Variants in CCDC92 observed in about 807,000 individuals in gnomAD.
CCDC92 encodes the protein coiled-coil domain containing 92.
In CCDC92, 12 loss-of-function variants were observed where a neutral mutation model predicts 24.9. That is an observed-to-expected ratio of 0.48 (90% CI 0.31 to 0.78). The LOEUF (loss-of-function observed/expected upper bound fraction) is 0.78. Among genes scored for constraint, CCDC92 ranks in the 30% least tolerant of loss-of-function variants. The probability of loss-of-function intolerance (pLI) is 0.05; values close to 1 mark genes in which losing one functional copy is unlikely to be tolerated. For synonymous variants in CCDC92, 193 were observed against 196.3 expected, an observed-to-expected ratio of 0.98 and a Z score of 0.14; for missense variants, 399 against 439.4, an observed-to-expected ratio of 0.91 and a Z score of 0.82.
intron 1 of CCDC92, among the ~76,000 whole-genome samples, chr12:123,951,894 G>A (rs376061084): frequency 3.9e-5 from 6 of 152,292 alleles, no homozygotes; most frequent in Admixed American, 2.0e-4. Context: ...AACATTGAGG[G>A]TAGAAGAAAT....
rs1955508259 is a variant in CCDC92, at chr12:123,936,771, C to T, written c.*287G>A. 5.4e-6 allele frequency: 3 copies of T among 551,580 alleles called. No homozygotes were observed. The highest frequency in any genetic ancestry group is 6.2e-5 in the East Asian group (2 of 32,146). 34.2% of individuals were successfully genotyped at this position (551,580 alleles called of 1,614,324 possible). ...TCGTGAACATCAGTAGTGACGCAGCCGTGGCCTGGGCTTTGCCTGCAGCGC... is the reference window on the plus strand; with the variant it reads ...TCGTGAACATCAGTAGTGACGCAGCTGTGGCCTGGGCTTTGCCTGCAGCGC... On this transcript the variant is annotated 3_prime_UTR_variant, in exon 5 of 5. Coordinates refer to ENST00000238156, the MANE Select transcript of CCDC92 (RefSeq NM_025140.3).
At chr12:123,958,614 G>A (rs185374052) in intron 1 of CCDC92, among the ~76,000 whole-genome samples, 7 of 152,326 alleles carry the variant, frequency 4.6e-5, no homozygotes, top group Middle Eastern at 3.4e-3. Context: ...ATTCTGGAAC[G>A]TTTGGCCCAA....
Position 123,937,644 on chromosome 12 carries a change from T to C in CCDC92, c.410A>G (p.Lys137Arg), listed in dbSNP as rs1453659695. Reference protein sequence around the residue: ...EKKYLEELKAKSHKLTLLSSE... With the variant: ...EKKYLEELKARSHKLTLLSSE... Reference sequence around the variant, plus strand: ...AGACAGCAGGGTCAGCTTGTGACTCTTGGCCTTCAGCTCCTCCAGGTACTT... The same window carrying C: ...AGACAGCAGGGTCAGCTTGTGACTCCTGGCCTTCAGCTCCTCCAGGTACTT... Residue 137 changes from lysine to arginine, a missense_variant, in exon 5 of 5, where the codon AAG (lysine) becomes AGG (arginine). Lys to Arg is a conservative substitution (Grantham distance 26, BLOSUM62 2). Transcript: ENST00000238156. The surrounding 1 kb of genome is among the most constrained non-coding windows in gnomAD (Gnocchi z 8.4). 4.3e-6 allele frequency: 7 copies of C among 1,613,988 alleles called. No homozygotes were observed. The East Asian group carries it at 1.6e-4, about 36-fold the overall frequency.
chr12:123,967,527 G>C (rs1956422156), intron 1 of CCDC92, among the ~76,000 whole-genome samples: 2 of 152,160 alleles, frequency 1.3e-5, no homozygotes, highest in Non-Finnish European at 2.9e-5. Context: ...CGAAGAGAAA[G>C]GAGTTACAAA....
intron 1 of CCDC92, among the ~76,000 whole-genome samples, chr12:123,950,614 C>T (rs1175806501): frequency 1.3e-5 from 2 of 151,974 alleles, no homozygotes; most frequent in Non-Finnish European, 2.9e-5. Flanking sequence ...AGCAGGTGCT[C>T]GGTCCCAGGG....
chr12:123,950,547 G>A (rs1955999690), intron 1 of CCDC92, among the ~76,000 whole-genome samples: 1 of 152,166 alleles, frequency 6.6e-6, no homozygotes, highest in African/African-American at 2.4e-5. Context: ...ACTAGCTTAG[G>A]AAGAAAGCAC....
intron 3 of CCDC92, among the ~76,000 whole-genome samples, 191 bp from the exon 4 acceptor site, chr12:123,942,976 A>AC (rs1955733734): frequency 6.6e-6 from 1 of 152,184 alleles, no homozygotes; most frequent in Non-Finnish European, 1.5e-5. Context: ...CTGGGGTCAG[A>AC]GGGCACCCTC....
chr12:123,939,326 G>A (rs969761258), intron 4 of CCDC92, among the ~76,000 whole-genome samples: 114 of 152,276 alleles, frequency 7.5e-4, no homozygotes, highest in Middle Eastern at 6.8e-3. Flanking sequence ...ATGTCCCGCC[G>A]CCAGACTCTG....
chr12:123,946,977 G>A (rs967893138), intron 1 of CCDC92, among the ~76,000 whole-genome samples: 6 of 152,162 alleles, frequency 3.9e-5, no homozygotes, highest in Non-Finnish European at 7.4e-5. Context: ...GGCTGCGTGC[G>A]GCGGCGCTTG....
In CCDC92 at chr12:123,936,842, C is replaced by T. The variant is rs749090695; in HGVS notation, c.*216G>A. ...GATCAGAAGCAAGCGATTCGGCACA[C>T]AGGCGTTTGGCCACAGCAATTAGGA... is the stretch of plus-strand genomic sequence containing the variant. On this transcript the variant is annotated 3_prime_UTR_variant, in exon 5 of 5. Transcript: ENST00000238156. The T allele has an allele frequency of 1.6e-6, 1 of 624,992 alleles. No individual in the cohort carries two copies. The highest frequency in any genetic ancestry group is 2.0e-5 in the South Asian group (1 of 50,514). 38.7% of individuals were successfully genotyped at this position (624,992 alleles called of 1,614,324 possible).
At position 123,935,665 on chromosome 12, in the gene CCDC92, C is replaced by CTACT. The variant is rs1955463779; in HGVS notation, c.*1389_*1392dup. 1 of 550,342 alleles carries CTACT rather than the reference C, an allele frequency of 1.8e-6. No individual in the cohort carries two copies. Among genetic ancestry groups the CTACT allele is most frequent in the Non-Finnish European group, 3.0e-6 (1 of 336,894 alleles). 34.1% of individuals were successfully genotyped at this position (550,342 alleles called of 1,614,324 possible). On this transcript the variant is annotated 3_prime_UTR_variant, in exon 5 of 5. Coordinates refer to ENST00000238156, the MANE Select transcript of CCDC92 (RefSeq NM_025140.3). Reference sequence around the variant, plus strand: ...AACCTGAATGGTTTTGTTTTTAATACTACTTTTTAAAAGGAATTTATATAA... The same window carrying CTACT: ...AACCTGAATGGTTTTGTTTTTAATACTACTTACTTTTTAAAAGGAATTTATATAA...
rs1391829354 is a variant in CCDC92 at position 123,937,809 on chromosome 12, C to A, written c.245G>T (p.Ser82Ile). The change falls in exon 5 of 5, where the codon AGT becomes ATT. Residue 82 changes from serine to isoleucine, a missense_variant. Physicochemically the swap from Ser to Ile is moderately radical, Grantham distance 142. Transcript: ENST00000238156. The surrounding 1 kb of genome is among the most constrained non-coding windows in gnomAD (Gnocchi z 8.4). ...EQTGDGTSKS[S>I]ELKKRCEELE... is the part of the protein sequence containing the mutation. ...CTCTTCACATCTTTTCTTTAATTCA[C>A]TGCTTTTAGAAGTCCCGTCTCCTAC... 4.3e-6 allele frequency: 7 copies of A among 1,610,296 alleles called. No individual in the cohort carries two copies. Among genetic ancestry groups the A allele is most frequent in the Non-Finnish European group, 5.9e-6 (7 of 1,179,480 alleles).
chr12:123,971,504 T>C (rs908595842), intron 1 of CCDC92: 10 of 151,880 alleles, frequency 6.6e-5, no homozygotes, highest in Non-Finnish European at 1.5e-5. Flanking sequence ...AAAATGGCAA[T>C]CCTAGTTTTA....
chr12:123,969,819 A>T (rs1051779928), intron 1 of CCDC92, among the ~76,000 whole-genome samples: 5 of 152,192 alleles, frequency 3.3e-5, no homozygotes, highest in African/African-American at 7.2e-5. Context: ...TGGCTCTCCA[A>T]AGGATGACTG....
In CCDC92 at chr12:123,972,656, G is replaced by C. The variant is rs1324349519; in HGVS notation, c.-187C>G. On this transcript the variant is annotated 5_prime_UTR_variant, in exon 1 of 5. Transcript: ENST00000238156. ...GCGGCGGGCGGGGCTGCCTGGGCTC[G>C]GGCGCTGCCCGGGCCGGGCCGCCGA... 1 of 147,622 alleles carries C rather than the reference G, an allele frequency of 6.8e-6. No homozygotes were observed. Among genetic ancestry groups the C allele is most frequent in the Admixed American group, 6.7e-5 (1 of 14,902 alleles). The allele number at this position is 147,622 out of a possible 1,614,324, so 9.1% of individuals were successfully genotyped here. A position where few individuals can be genotyped will look rare whatever the true frequency, so the allele number is the denominator to read the frequency against.
Position 123,936,830 on chromosome 12 carries a change from C to T in CCDC92, c.*228G>A, listed in dbSNP as rs983935378. Reference sequence around the variant, plus strand: ...TACACGGAGCGGGATCAGAAGCAAGCGATTCGGCACACAGGCGTTTGGCCA... The same window carrying T: ...TACACGGAGCGGGATCAGAAGCAAGTGATTCGGCACACAGGCGTTTGGCCA... On this transcript the variant is annotated 3_prime_UTR_variant, in exon 5 of 5. Coordinates refer to ENST00000238156, the MANE Select transcript of CCDC92 (RefSeq NM_025140.3). The T allele has an allele frequency of 9.8e-6, 6 of 610,668 alleles. No individual in the cohort carries two copies. Among genetic ancestry groups the T allele is most frequent in the South Asian group, 2.0e-5 (1 of 50,126 alleles). 37.8% of individuals were successfully genotyped at this position (610,668 alleles called of 1,614,324 possible).
intron 4 of CCDC92, among the ~76,000 whole-genome samples, chr12:123,941,016 T>TGGG (rs1955666653): frequency 6.4e-4 from 1 of 1,554 alleles, no homozygotes; most frequent in East Asian, 0.019. Flanking sequence ...CTACATCAGG[T>TGGG]GGGTGGGTGG....
chr12:123,937,370 G>A lies in CCDC92; in HGVS notation c.684C>T (p.Ser228=). 1.2e-6 allele frequency: 2 copies of A among 1,614,020 alleles called. No individual in the cohort carries two copies. Among genetic ancestry groups the A allele is most frequent in the Non-Finnish European group, 8.5e-7 (1 of 1,180,026 alleles). The change falls in exon 5 of 5, where the codon AGC becomes AGT. Residue 228 remains serine (S), a synonymous_variant. Coordinates refer to ENST00000238156, the MANE Select transcript of CCDC92 (RefSeq NM_025140.3). This position sits in a 1 kb window ranked among gnomAD's most constrained non-coding sequence, Gnocchi z 8.4. The stretch of plus-strand genomic sequence containing the variant: ...CTGGTTCCCGCAAAAGGAGTTTCCT[G>A]CTCTCTGCCCCGAATCTGTAGACCT... ...FEEVYRFGAE[S]RKLLLREPVD...
intron 1 of CCDC92, among the ~76,000 whole-genome samples, chr12:123,963,380 G>C (rs1428243890): frequency 5.3e-5 from 8 of 152,184 alleles, no homozygotes; most frequent in Non-Finnish European, 1.2e-4. Context: ...TAACTCTGGA[G>C]AAAAAGGCAA....
Sources: allele counts gnomAD v4.1 joint callset (sites outside exome capture counted in the v4.1 genomes callset), GRCh38; gene constraint gnomAD v4.1.1; non-coding constraint Gnocchi (gnomAD v3.1); transcripts MANE v1.5; gene names NCBI Gene and HGNC (gene_info 2026-07-23, HGNC 2026-07-21).